FRMPD4: variants seen among roughly 807,000 people sequenced by gnomAD.
FRMPD4 encodes the protein FERM and PDZ domain-containing protein 4.
A neutral mutation model predicts 94.1 loss-of-function variants in FRMPD4; 22 were observed. The observed-to-expected ratio is 0.23, with a 90% CI of 0.17 to 0.33. The LOEUF is 0.33. Among genes scored for constraint, FRMPD4 ranks in the 10% least tolerant of loss-of-function variants. FRMPD4 has a pLI of 1.00. For synonymous variants in FRMPD4, 631 were observed against 548.6 expected (o/e 1.15, Z -2.10); for missense variants, 1,111 against 1,339.9 (o/e 0.83, Z 2.67).
intron 1 of FRMPD4, among the ~76,000 whole-genome samples, chrX:12,157,523 C>A (rs1403332780): frequency 9.0e-6 from 1 of 111,054 alleles, no homozygotes; most frequent in Non-Finnish European, 1.9e-5. Context: ...TGGTGACAAG[C>A]CTTTAGGAAT....
intron 1 of FRMPD4, among the ~76,000 whole-genome samples, chrX:11,825,745 C>T (rs1483945883): frequency 8.9e-6 from 1 of 111,972 alleles, no homozygotes; most frequent in African/African-American, 3.2e-5. Context: ...CGTCAATTTC[C>T]TCATTTTGAC....
chrX:12,478,915 ACT>A (rs1302209391), intron 1 of FRMPD4, among the ~76,000 whole-genome samples: 2 of 111,740 alleles, frequency 1.8e-5, no homozygotes, highest in Admixed American at 1.9e-4. Flanking sequence ...TAATTTGGAC[ACT>A]CAACTAGCTT....
chrX:12,478,171 G>C (rs1013239727), intron 1 of FRMPD4, among the ~76,000 whole-genome samples: 19 of 111,944 alleles, frequency 1.7e-4, no homozygotes, highest in Non-Finnish European at 3.6e-4. Flanking sequence ...TGCCTCAATT[G>C]GCACCTTCTG....
At chrX:11,905,353 G>C (rs1470041271) in intron 3 of FRMPD4, among the ~76,000 whole-genome samples, 1 of 111,578 alleles carries the variant, frequency 9.0e-6, no homozygotes. Context: ...TGGCAAAGTT[G>C]AAAGAAAAAA....
chrX:12,545,865 C>A (rs1194000813), intron 2 of FRMPD4, among the ~76,000 whole-genome samples: 1 of 112,841 alleles, frequency 8.9e-6, no homozygotes, highest in East Asian at 2.8e-4. Context: ...TTTGGAAAAA[C>A]CAAGCTCATG....
chrX:12,627,571 G>A (rs16986988), intron 4 of FRMPD4, among the ~76,000 whole-genome samples: 5,803 of 111,623 alleles, frequency 0.052, 415 homozygotes, highest in African/African-American at 0.18. Flanking sequence ...CAAGGCTGAA[G>A]TAGAAAAAGG....
intron 2 of FRMPD4, among the ~76,000 whole-genome samples, chrX:12,501,569 A>C (rs959829135): frequency 1.4e-4 from 16 of 111,055 alleles, no homozygotes; most frequent in African/African-American, 5.3e-4. Context: ...AGTTAAAGGT[A>C]CAATTTGAAA....
At chrX:12,261,450 A>G (rs2054187511) in intron 1 of FRMPD4, among the ~76,000 whole-genome samples, 2 of 111,404 alleles carry the variant, frequency 1.8e-5, no homozygotes, top group Non-Finnish European at 3.8e-5. Context: ...AAATGTTCTC[A>G]GTGTATCTAA....
chrX:12,710,727 G>A (rs2041970383), intron 14 of FRMPD4, among the ~76,000 whole-genome samples, 190 bp downstream of exon 14: 1 of 111,063 alleles, frequency 9.0e-6, no homozygotes, highest in Non-Finnish European at 1.9e-5. Flanking sequence ...CCAACATGGT[G>A]AAACACCATC....
chrX:12,463,949 A>G (rs765330785), intron 1 of FRMPD4, among the ~76,000 whole-genome samples: 1 of 110,493 alleles, frequency 9.1e-6, no homozygotes, highest in Admixed American at 9.7e-5. Context: ...ATAAAGTTTT[A>G]TTGGCACAGG....
intron 3 of FRMPD4, among the ~76,000 whole-genome samples, chrX:12,058,824 TG>T (rs894964991): frequency 9.0e-6 from 1 of 110,585 alleles, no homozygotes; most frequent in African/African-American, 3.3e-5. Flanking sequence ...TTGTCATAAC[TG>T]GGGGACGGGT....
chrX:12,702,350 G>C (rs1169743468), intron 10 of FRMPD4, among the ~76,000 whole-genome samples: 1 of 112,156 alleles, frequency 8.9e-6, no homozygotes, highest in African/African-American at 3.2e-5. Flanking sequence ...TAGGATTTTA[G>C]CTTCATTTTA....
intron 1 of FRMPD4, among the ~76,000 whole-genome samples, chrX:12,357,793 A>T (rs1160415284): frequency 8.9e-6 from 1 of 112,111 alleles, no homozygotes; most frequent in Non-Finnish European, 1.9e-5. Flanking sequence ...CCATGCACTC[A>T]TTTAAATATA....
At chrX:12,283,971 T>C (rs989456166) in intron 1 of FRMPD4, among the ~76,000 whole-genome samples, 3 of 111,862 alleles carry the variant, frequency 2.7e-5, no homozygotes, top group Non-Finnish European at 5.6e-5. Flanking sequence ...AAAAATTCCA[T>C]GGCCAACTAG....
At chrX:12,336,923 G>A (rs1443946682) in intron 1 of FRMPD4, among the ~76,000 whole-genome samples, 1 of 111,675 alleles carries the variant, frequency 9.0e-6, no homozygotes, top group Non-Finnish European at 1.9e-5. Context: ...ATCTGGCAGA[G>A]TAGCAGGTTT....
At chrX:12,387,109 A>T (rs2056407092) in intron 1 of FRMPD4, among the ~76,000 whole-genome samples, 1 of 112,290 alleles carries the variant, frequency 8.9e-6, no homozygotes, top group Non-Finnish European at 1.9e-5. Flanking sequence ...TTAACTACCG[A>T]GTTAAGAAAT....
intron 2 of FRMPD4, among the ~76,000 whole-genome samples, chrX:12,574,131 G>T (rs1169877403): frequency 8.9e-6 from 1 of 111,763 alleles, no homozygotes; most frequent in Non-Finnish European, 1.9e-5. Flanking sequence ...CTCCTGAGTA[G>T]CTGGGATTAC....
chrX:11,869,401 C>G (rs1315618736), intron 2 of FRMPD4, among the ~76,000 whole-genome samples: 2 of 111,666 alleles, frequency 1.8e-5, no homozygotes, highest in African/African-American at 6.5e-5. Context: ...ATCTATAATG[C>G]TTTAAGCATG....
chrX:12,416,189 CCTCCTCCTTTCTTCCCTTT>C (rs1418463416), intron 1 of FRMPD4, among the ~76,000 whole-genome samples: 1 of 110,776 alleles, frequency 9.0e-6, no homozygotes, highest in African/African-American at 3.3e-5. Flanking sequence ...TTCCGCCCTT[CCTCCTCCTTTCTTCCCTTT>C]CTCCTTCCTT....
Sources: allele counts gnomAD v4.1 joint callset (sites outside exome capture counted in the v4.1 genomes callset), GRCh38; gene constraint gnomAD v4.1.1; transcripts MANE v1.5; gene names NCBI Gene and HGNC (gene_info 2026-07-23, HGNC 2026-07-21).